PTPN4: variants seen among roughly 807,000 people sequenced by gnomAD.
PTPN4 encodes tyrosine-protein phosphatase non-receptor type 4.
A neutral mutation model predicts 135.5 loss-of-function variants in PTPN4; 49 were observed. The observed-to-expected ratio is 0.36, with a 90% CI of 0.29 to 0.46. The LOEUF is 0.46. Among genes scored for constraint, PTPN4 ranks in the 20% least tolerant of loss-of-function variants. The pLI is 1.00. For synonymous variants in PTPN4, 333 were observed against 369.9 expected, an observed-to-expected ratio of 0.90 and a Z score of 1.14; for missense variants, 860 against 1,101.0, an observed-to-expected ratio of 0.78 and a Z score of 3.10.
At chr2:119,768,173 T>C (rs970877393) in intron 1 of PTPN4, among the ~76,000 whole-genome samples, 24 of 152,222 alleles carry the variant, frequency 1.6e-4, no homozygotes, top group African/African-American at 4.1e-4. Flanking sequence ...TTTTAAAATT[T>C]CATTTTGTTG....
chr2:119,844,625 G>A (rs987824189), intron 2 of PTPN4, among the ~76,000 whole-genome samples: 1 of 150,820 alleles, frequency 6.6e-6, no homozygotes, highest in South Asian at 2.1e-4. Flanking sequence ...GGGCAGCGGG[G>A]CAGAGGCGCT....
At chr2:119,817,854 G>T (rs1409754578) in intron 2 of PTPN4, among the ~76,000 whole-genome samples, 1 of 152,064 alleles carries the variant, frequency 6.6e-6, no homozygotes, top group Non-Finnish European at 1.5e-5. Context: ...GCCGTCGTTT[G>T]TAGTTTTCCT....
Position 119,760,287 on chromosome 2 carries a change from C to G in PTPN4, c.-115C>G. 1 of 395,882 alleles carries G rather than the reference C, an allele frequency of 2.5e-6. No homozygotes were observed. Among genetic ancestry groups the G allele is most frequent in the East Asian group, 3.6e-5 (1 of 27,924 alleles). The allele number at this position is 395,882 out of a possible 1,614,324, so 24.5% of individuals were successfully genotyped here. Reference sequence around the variant, plus strand: ...GGCTGCTCGGGGGGCGCTGAGGTAGCCCCCCGGAGCGGCACGGAGGACGCG... The same window carrying G: ...GGCTGCTCGGGGGGCGCTGAGGTAGGCCCCCGGAGCGGCACGGAGGACGCG... On this transcript the variant is annotated 5_prime_UTR_variant, in exon 1 of 27. Transcript: ENST00000263708.
At chr2:119,807,650 A>G (rs1178059105) in intron 1 of PTPN4, among the ~76,000 whole-genome samples, 3 of 152,208 alleles carry the variant, frequency 2.0e-5, no homozygotes, top group Non-Finnish European at 4.4e-5. Flanking sequence ...AGAGTTACAA[A>G]GCGGAGCTCG....
rs1245040489 is a variant in PTPN4, at chr2:119,955,006, C to G, written c.1814-151C>G. On this transcript the variant is annotated intron_variant, in intron 19 of 26. Transcript: ENST00000263708. ...AACTCCACAACTAGTTTCTGTCCCC[C>G]CATAGTGACACCAGACTCAGATCTG... 5.0e-5 allele frequency: 33 copies of G among 659,372 alleles called. No individual in the cohort carries two copies. In the South Asian group the frequency reaches 7.1e-4, roughly 14 times the overall value. 40.8% of individuals were successfully genotyped at this position (659,372 alleles called of 1,614,324 possible).
At chr2:119,762,083 A>C (rs538074729) in intron 1 of PTPN4, among the ~76,000 whole-genome samples, 11 of 152,292 alleles carry the variant, frequency 7.2e-5, no homozygotes, top group South Asian at 2.1e-4. Context: ...GCTAGGCATA[A>C]AACCAGCATT....
chr2:119,957,646 A>AT (rs1319965811), intron 22 of PTPN4, among the ~76,000 whole-genome samples: 2 of 151,904 alleles, frequency 1.3e-5, no homozygotes, highest in Non-Finnish European at 2.9e-5. Flanking sequence ...AAAAATTACT[A>AT]TTTTTTTCTT....
At position 119,766,823 on chromosome 2, in the gene PTPN4, A is replaced by G. The variant is rs187620803; in HGVS notation, c.-18+6439A>G. ...TTAGAACTGAAAACTGAGTAGTTTC[A>G]CTAGACCTGAGAGTCCATTTGGACA... On this transcript the variant is annotated intron_variant, in intron 1 of 26. Transcript: ENST00000263708. Among the ~76,000 whole-genome samples, 28 of 152,286 alleles carry G rather than the reference A, an allele frequency of 1.8e-4. No individual in the cohort carries two copies. In the East Asian group the frequency reaches 4.6e-3, roughly 25 times the overall value.
chr2:119,919,947 C>G (rs55744502), intron 11 of PTPN4, 122 bp from the exon 12 acceptor site: 358,794 of 1,312,496 alleles, frequency 0.27, 49,998 homozygotes, highest in South Asian at 0.33. Flanking sequence ...TAGGTTCTAT[C>G]TATATCATTA....
At chr2:119,873,090 G>A (rs1677936433) in intron 3 of PTPN4, among the ~76,000 whole-genome samples, 1 of 151,998 alleles carries the variant, frequency 6.6e-6, no homozygotes, top group Non-Finnish European at 1.5e-5. Context: ...CAGCCTCTCA[G>A]ACTGAACCTC....
chr2:119,976,807 G>A (rs1157068085), intron 26 of PTPN4, 177 bp from the exon 27 acceptor site: 3 of 1,165,462 alleles, frequency 2.6e-6, no homozygotes, highest in Non-Finnish European at 3.3e-6. Flanking sequence ...AAAATATATT[G>A]CCAAACTGTA....
intron 2 of PTPN4, among the ~76,000 whole-genome samples, chr2:119,855,511 A>C (rs1016774743): frequency 6.6e-6 from 1 of 152,176 alleles, no homozygotes; most frequent in Non-Finnish European, 1.5e-5. Context: ...CCTTCTTTAC[A>C]TATAATAGGG....
chr2:119,978,857 C>T lies in PTPN4; in HGVS notation c.*1787C>T, dbSNP rs189382240. ...TCTAAACGATGTCATTTCAGACATT[C>T]AAAACTCATAATAATAAATTTCAGG... is the stretch of plus-strand genomic sequence containing the variant. On this transcript the variant is annotated 3_prime_UTR_variant, in exon 27 of 27. Coordinates refer to ENST00000263708, the MANE Select transcript of PTPN4 (RefSeq NM_002830.4). 1.9e-4 allele frequency: 29 copies of T among 152,076 alleles called. No individual in the cohort carries two copies. Among genetic ancestry groups the T allele is most frequent in the Admixed American group, 1.8e-3 (28 of 15,268 alleles). The allele number at this position is 152,076 out of a possible 1,614,324, so 9.4% of individuals were successfully genotyped here.
intron 15 of PTPN4, among the ~76,000 whole-genome samples, chr2:119,939,865 AG>A (rs1457062067): frequency 5.3e-5 from 8 of 152,326 alleles, no homozygotes; most frequent in African/African-American, 1.9e-4. Flanking sequence ...AGGCTATTCT[AG>A]GACAAGGAAG....
intron 7 of PTPN4, 151 bp downstream of exon 7, chr2:119,882,300 C>A: frequency 9.8e-7 from 1 of 1,018,152 alleles, no homozygotes; most frequent in Non-Finnish European, 1.4e-6. Flanking sequence ...AGTTAGTTAG[C>A]AATTACTATG....
At position 119,977,026 on chromosome 2, in the gene PTPN4, G is replaced by A. The variant is rs1446077183; in HGVS notation, c.2737G>A (p.Glu913Lys). 1 of 1,607,648 alleles carries A rather than the reference G, an allele frequency of 6.2e-7. No individual in the cohort carries two copies. Among genetic ancestry groups the A allele is most frequent in the Non-Finnish European group, 8.5e-7 (1 of 1,178,274 alleles). Residue 913 changes from glutamate to lysine, a missense_variant, in exon 27 of 27, where the codon GAA becomes AAA. Transcript: ENST00000263708. ...FVCEAILKVY[E>K]EGFVKPLTTS... Reference sequence around the variant, plus strand: ...ATGTGAAGCTATTTTGAAAGTTTATGAAGAAGGCTTTGTTAAACCCTTAAC... The same window carrying A: ...ATGTGAAGCTATTTTGAAAGTTTATAAAGAAGGCTTTGTTAAACCCTTAAC...
intron 10 of PTPN4, among the ~76,000 whole-genome samples, chr2:119,911,776 C>A (rs1215631876): frequency 1.3e-5 from 2 of 151,962 alleles, no homozygotes. Flanking sequence ...AAAAGGTATA[C>A]CATGCAAGTA....
At chr2:119,890,554 A>C (rs1295321313) in intron 9 of PTPN4, among the ~76,000 whole-genome samples, 6 of 151,726 alleles carry the variant, frequency 4.0e-5, no homozygotes, top group Non-Finnish European at 8.8e-5. Context: ...TCATATTGTT[A>C]ATTGTTTTCT....
intron 2 of PTPN4, among the ~76,000 whole-genome samples, chr2:119,857,956 T>A (rs1677706190): frequency 6.6e-6 from 1 of 152,192 alleles, no homozygotes; most frequent in African/African-American, 2.4e-5. Flanking sequence ...CATAAATGGC[T>A]TGTGACCAAG....
Sources: allele counts gnomAD v4.1 joint callset (sites outside exome capture counted in the v4.1 genomes callset), GRCh38; gene constraint gnomAD v4.1.1; transcripts MANE v1.5; gene names NCBI Gene and HGNC (gene_info 2026-07-23, HGNC 2026-07-21).